ARHGAP32: variants seen among roughly 807,000 people sequenced by gnomAD.
ARHGAP32 encodes the protein Rho GTPase activating protein 32.
ARHGAP32 carries 51 observed loss-of-function variants against 186.5 expected under a neutral mutation model. That is an observed-to-expected ratio of 0.27 (90% CI 0.22 to 0.35). The LOEUF is 0.35. Among genes scored for constraint, ARHGAP32 ranks in the 10% least tolerant of loss-of-function variants. ARHGAP32 has a pLI of 1.00. For missense variants in ARHGAP32, 2,186 were observed against 2,623.5 expected (o/e 0.83, Z 3.64); for synonymous variants, 950 against 964.3 (o/e 0.99, Z 0.27).
At chr11:129,219,505 G>A (rs1258397537) in intron 1 of ARHGAP32, among the ~76,000 whole-genome samples, 1 of 152,108 alleles carries the variant, frequency 6.6e-6, no homozygotes, top group East Asian at 1.9e-4. Flanking sequence ...GATCTGTCAT[G>A]CAATTTATGC....
intron 1 of ARHGAP32, among the ~76,000 whole-genome samples, chr11:129,242,466 C>A (rs1945031216): frequency 6.6e-6 from 1 of 152,138 alleles, no homozygotes; most frequent in Admixed American, 6.5e-5. Context: ...CTCCTGTAAT[C>A]CCAGCACTTT....
At chr11:129,042,867 G>A (rs1939651519) in intron 10 of ARHGAP32, among the ~76,000 whole-genome samples, 1 of 152,122 alleles carries the variant, frequency 6.6e-6, no homozygotes. Context: ...AGAGGACTTG[G>A]GGGGATGAAG....
At chr11:129,108,870 G>C (rs939764561) in intron 5 of ARHGAP32, among the ~76,000 whole-genome samples, 1 of 152,090 alleles carries the variant, frequency 6.6e-6, no homozygotes, top group Non-Finnish European at 1.5e-5. Flanking sequence ...CCAAATCAGG[G>C]TATTTGGGGT....
chr11:128,984,641 A>AT (rs1945809010), intron 15 of ARHGAP32, among the ~76,000 whole-genome samples: 1 of 152,206 alleles, frequency 6.6e-6, no homozygotes, highest in South Asian at 2.1e-4. Context: ...TATACATTAT[A>AT]AAGCAGGAGA....
upstream of ARHGAP32, among the ~76,000 whole-genome samples, chr11:129,194,326 A>T (rs1565465285): frequency 6.6e-6 from 1 of 152,206 alleles, no homozygotes; most frequent in Non-Finnish European, 1.5e-5. Context: ...GCAAAATAGG[A>T]TAGCAAAAAC....
intron 2 of ARHGAP32, among the ~76,000 whole-genome samples, chr11:129,161,393 T>C (rs1419635754): frequency 6.6e-6 from 1 of 152,146 alleles, no homozygotes; most frequent in African/African-American, 2.4e-5. Context: ...GAGAAAATTT[T>C]TGCAATCTAT....
chr11:129,013,302 C>T (rs970718317), intron 11 of ARHGAP32, among the ~76,000 whole-genome samples: 5 of 152,172 alleles, frequency 3.3e-5, no homozygotes, highest in African/African-American at 1.2e-4. Context: ...GTCACCTTTC[C>T]ACAAAACATT....
intron 5 of ARHGAP32, among the ~76,000 whole-genome samples, chr11:129,120,348 C>T (rs1458494247): frequency 2.6e-5 from 4 of 151,962 alleles, no homozygotes; most frequent in Non-Finnish European, 5.9e-5. Context: ...GTTCTTGGCA[C>T]GCTGCAATGA....
intron 1 of ARHGAP32, among the ~76,000 whole-genome samples, chr11:129,260,597 TATA>T (rs1243631282): frequency 6.6e-6 from 1 of 152,144 alleles, no homozygotes; most frequent in Non-Finnish European, 1.5e-5. Context: ...TCATGTAAAA[TATA>T]ATATTGTCTT....
At chr11:129,252,469 T>C (rs1360341918) in intron 1 of ARHGAP32, among the ~76,000 whole-genome samples, 3 of 152,180 alleles carry the variant, frequency 2.0e-5, no homozygotes, top group African/African-American at 4.8e-5. Context: ...GGCAAAATAT[T>C]GATCACCATT....
intron 20 of ARHGAP32, among the ~76,000 whole-genome samples, chr11:128,976,116 G>C (rs1770360673): frequency 3.3e-5 from 5 of 149,558 alleles, no homozygotes; most frequent in African/African-American, 1.0e-4. Context: ...CAAATGTATT[G>C]ATCACCCATA....
chr11:129,161,636 T>G (rs980985755), intron 2 of ARHGAP32, among the ~76,000 whole-genome samples: 2 of 152,018 alleles, frequency 1.3e-5, no homozygotes, highest in Admixed American at 6.6e-5. Flanking sequence ...ATCATTAAAG[T>G]CAGGAAACAA....
Position 129,040,990 on chromosome 11 carries a change from T to C in ARHGAP32, c.983A>G (p.His328Arg), listed in dbSNP as rs1939568636. 6.2e-6 allele frequency: 10 copies of C among 1,600,600 alleles called. No individual in the cohort carries two copies. The highest frequency in any genetic ancestry group is 1.3e-5 in the African/African-American group (1 of 74,750). ...HGFQVGLFPG[H>R]CVELINQKVP... is the part of the protein sequence containing the mutation. The stretch of plus-strand genomic sequence containing the variant: ...TTTTTGGTTAATTAACTCAACACAG[T>C]GTCCAGGGAAGAGTCCCACCTGATG... Residue 328 changes from histidine (H) to arginine (R), a missense_variant, in exon 11 of 23, where the codon CAC becomes CGC. By Grantham distance (29) the His-to-Arg change is conservative. This residue lies in a region of ARHGAP32 where 308 missense variants were observed against 596.5 expected (regional missense o/e 0.52). Transcript: ENST00000682385.
At chr11:129,177,417 A>G (rs1392360947) in intron 1 of ARHGAP32, among the ~76,000 whole-genome samples, 2 of 152,224 alleles carry the variant, frequency 1.3e-5, no homozygotes, top group East Asian at 3.8e-4. Flanking sequence ...AAAAGAGGGA[A>G]TCCTCCCTAA....
At position 129,129,992 on chromosome 11, in the gene ARHGAP32, A is replaced by T. The variant is rs1942773747; in HGVS notation, c.226-5098T>A. Among the ~76,000 whole-genome samples the T allele has an allele frequency of 2.0e-5, 3 of 152,230 alleles. No individual in the cohort carries two copies. In the South Asian group the frequency reaches 6.2e-4, roughly 31 times the overall value. On this transcript the variant is annotated intron_variant, in intron 2 of 22. Transcript: ENST00000682385. ...TTTAAAAATTAAGTTAAAGCTAGTCATATTTGTATGACATAATATGCCAAC... is the reference window on the plus strand; with the variant it reads ...TTTAAAAATTAAGTTAAAGCTAGTCTTATTTGTATGACATAATATGCCAAC...
At chr11:129,192,027 G>A (rs1208705882) in intron 1 of ARHGAP32, 56 bp downstream of exon 1, 2 of 1,251,402 alleles carry the variant, frequency 1.6e-6, no homozygotes, top group African/African-American at 1.5e-5. Flanking sequence ...AGAAAAAGGG[G>A]TGCGGGTGGG....
chr11:128,999,789 A>C (rs1187185355), intron 11 of ARHGAP32, among the ~76,000 whole-genome samples: 2 of 152,202 alleles, frequency 1.3e-5, no homozygotes, highest in African/African-American at 4.8e-5. Context: ...AGCAAATTTA[A>C]ATGTTGTAAC....
chr11:129,132,167 T>C (rs1238027599), intron 2 of ARHGAP32, among the ~76,000 whole-genome samples: 1 of 152,152 alleles, frequency 6.6e-6, no homozygotes, highest in Non-Finnish European at 1.5e-5. Flanking sequence ...AGCCAGAGAA[T>C]GTGGGCAAAG....
rs924227090 is a variant in ARHGAP32 at position 129,040,991 on chromosome 11, G to A, written c.982C>T (p.His328Tyr). ...HGFQVGLFPG[H>Y]CVELINQKVP... ...TTTTGGTTAATTAACTCAACACAGT[G>A]TCCAGGGAAGAGTCCCACCTGATGA... is the stretch of plus-strand genomic sequence containing the variant. Residue 328 changes from histidine to tyrosine, a missense_variant, in exon 11 of 23, where the codon CAC (histidine) becomes TAC (tyrosine). Physicochemically the swap from His to Tyr is moderately conservative, Grantham distance 83. This residue lies in a region of ARHGAP32 where 308 missense variants were observed against 596.5 expected (regional missense o/e 0.52). Transcript: ENST00000682385. The A allele has an allele frequency of 1.4e-5, 23 of 1,599,366 alleles. No individual in the cohort carries two copies. The highest frequency in any genetic ancestry group is 2.0e-5 in the Non-Finnish European group (23 of 1,172,388).
Sources: allele counts gnomAD v4.1 joint callset (sites outside exome capture counted in the v4.1 genomes callset), GRCh38; gene constraint gnomAD v4.1.1; regional missense constraint gnomAD v4.1.1; transcripts MANE v1.5; gene names NCBI Gene and HGNC (gene_info 2026-07-23, HGNC 2026-07-21).